RANBP2: variants seen among roughly 807,000 people sequenced by gnomAD.
RANBP2 encodes the protein RAN binding protein 2, also known as E3 SUMO-protein ligase RanBP2.
RANBP2 carries 57 observed loss-of-function variants against 303.6 expected under a neutral mutation model. The observed-to-expected ratio is 0.19, with a 90% CI of 0.15 to 0.23. The LOEUF (loss-of-function observed/expected upper bound fraction) is 0.23. RANBP2 is among the 10% of genes least tolerant of loss of function. The probability of loss-of-function intolerance (pLI) is 1.00; values close to 1 mark genes in which losing one functional copy is unlikely to be tolerated. For missense variants in RANBP2, 3,138 were observed against 3,780.8 expected (o/e 0.83, Z 4.46); for synonymous variants, 1,167 against 1,301.5 (o/e 0.90, Z 2.23).
At chr2:109,079,488 T>C in the RANBP2 span, among the ~76,000 whole-genome samples, 1 of 152,214 alleles carries the variant, frequency 6.6e-6, no homozygotes, top group South Asian at 2.1e-4. Context: ...AAGAGTCAAC[T>C]GTATATCAAA....
chr2:109,161,448 T>TTCCCCTGTACACCCTCCCTGGAGCATGG, the RANBP2 span, among the ~76,000 whole-genome samples: 490 of 152,250 alleles, frequency 3.2e-3, 3 homozygotes, highest in African/African-American at 0.011. Context: ...TGGTCTGTTC[T>TTCCCCTGTACACCCTCCCTGGAGCATGG]TCCCCTGTAC....
At chr2:109,578,558 G>C in the RANBP2 span, among the ~76,000 whole-genome samples, 1 of 152,180 alleles carries the variant, frequency 6.6e-6, no homozygotes, top group Non-Finnish European at 1.5e-5. Flanking sequence ...CCTGAGGTCA[G>C]GAGTTCGAGG....
the RANBP2 span, among the ~76,000 whole-genome samples, chr2:109,145,115 C>T: frequency 9.8e-5 from 15 of 152,302 alleles, no homozygotes; most frequent in East Asian, 2.3e-3. Context: ...CTTCCCTCAC[C>T]GGCTCTGTCT....
the RANBP2 span, among the ~76,000 whole-genome samples, chr2:109,015,032 A>C: frequency 6.8e-6 from 1 of 146,164 alleles, no homozygotes; most frequent in East Asian, 2.3e-4. Context: ...AGGCAGGAGA[A>C]TTGCTTGAGC....
the RANBP2 span, among the ~76,000 whole-genome samples, chr2:109,626,109 T>G: frequency 6.6e-6 from 1 of 152,232 alleles, no homozygotes; most frequent in African/African-American, 2.4e-5. Flanking sequence ...TCTCCCTTGC[T>G]ATAACCTTCC....
chr2:109,363,166 G>T, the RANBP2 span, among the ~76,000 whole-genome samples: 1 of 151,836 alleles, frequency 6.6e-6, no homozygotes, highest in East Asian at 1.9e-4. Flanking sequence ...TCGGTCTTTT[G>T]TGGTTTTTAT....
the RANBP2 span, among the ~76,000 whole-genome samples, chr2:109,078,102 A>ATATATATATATATATATGGCG: frequency 2.3e-4 from 21 of 90,130 alleles, 1 homozygote; most frequent in Non-Finnish European, 4.3e-4. Context: ...ATATATATAT[A>ATATATATATATATATATGGCG]TATATATATA....
the RANBP2 span, among the ~76,000 whole-genome samples, chr2:109,594,132 G>A: frequency 2.6e-5 from 4 of 152,214 alleles, no homozygotes; most frequent in South Asian, 2.1e-4. Context: ...TTCACTGTTC[G>A]CAACAGTAGA....
the RANBP2 span, among the ~76,000 whole-genome samples, chr2:109,065,084 T>G: frequency 3.3e-5 from 5 of 152,180 alleles, no homozygotes; most frequent in Non-Finnish European, 7.3e-5. Flanking sequence ...TGGCTTCTCA[T>G]TAAGCCAATG....
chr2:109,647,383 C>T, the RANBP2 span, among the ~76,000 whole-genome samples: 199 of 151,898 alleles, frequency 1.3e-3, 1 homozygote, highest in African/African-American at 4.3e-3. Context: ...AAGATGGTCT[C>T]GATATCTTAA....
the RANBP2 span, among the ~76,000 whole-genome samples, chr2:108,924,836 T>A: frequency 6.6e-6 from 1 of 152,248 alleles, no homozygotes. Context: ...GCCACTTCTT[T>A]CTATGAGGCA....
the RANBP2 span, among the ~76,000 whole-genome samples, chr2:109,265,170 T>A: frequency 1.3e-5 from 2 of 152,096 alleles, no homozygotes; most frequent in East Asian, 3.9e-4. Flanking sequence ...GAAGGAACAT[T>A]GAAGAGAGCC....
chr2:108,792,843 TC>T, the RANBP2 span, among the ~76,000 whole-genome samples: 1 of 151,742 alleles, frequency 6.6e-6, no homozygotes. Context: ...GGCGGGTGGA[TC>T]ACGAGGTCAG....
chr2:108,725,236 G>C (rs574922074), intron 1 of RANBP2, among the ~76,000 whole-genome samples: 2 of 152,270 alleles, frequency 1.3e-5, no homozygotes, highest in Admixed American at 1.3e-4. Flanking sequence ...CATGGGCTGT[G>C]CTCCTTCCTA....
At chr2:108,843,563 A>G in the RANBP2 span, among the ~76,000 whole-genome samples, 1 of 152,300 alleles carries the variant, frequency 6.6e-6, no homozygotes, top group East Asian at 1.9e-4. Flanking sequence ...TTCTAGTGTG[A>G]CAGTTCTTTA....
At chr2:109,214,503 C>T in the RANBP2 span, among the ~76,000 whole-genome samples, 1 of 151,848 alleles carries the variant, frequency 6.6e-6, no homozygotes, top group Non-Finnish European at 1.5e-5. Flanking sequence ...GAGCCCAAGC[C>T]AGCCAGGCCC....
the RANBP2 span, among the ~76,000 whole-genome samples, chr2:109,540,186 T>G: frequency 6.6e-6 from 1 of 152,202 alleles, no homozygotes; most frequent in Admixed American, 6.5e-5. Flanking sequence ...GTATTAAGGC[T>G]TGCTTTATAG....
the RANBP2 span, among the ~76,000 whole-genome samples, chr2:108,903,838 A>G: frequency 6.6e-6 from 1 of 152,210 alleles, no homozygotes; most frequent in Admixed American, 6.5e-5. Flanking sequence ...TTAAGCTATA[A>G]AACTTCTAGA....
At chr2:109,028,387 C>A in the RANBP2 span, among the ~76,000 whole-genome samples, 4 of 152,226 alleles carry the variant, frequency 2.6e-5, no homozygotes, top group Non-Finnish European at 5.9e-5. Context: ...ACGGCCCTTA[C>A]CTCCACTGAA....
Sources: allele counts gnomAD v4.1 joint callset (sites outside exome capture counted in the v4.1 genomes callset), GRCh38; gene constraint gnomAD v4.1.1; transcripts MANE v1.5; gene names NCBI Gene and HGNC (gene_info 2026-07-23, HGNC 2026-07-21).